Variants in ARMC8 observed in about 807,000 individuals in gnomAD.
The protein encoded by ARMC8 is armadillo repeat containing 8, also known as armadillo repeat-containing protein 8.
ARMC8 carries 20 observed loss-of-function variants against 99.3 expected under a neutral mutation model. That is an observed-to-expected ratio of 0.20 (90% CI 0.14 to 0.29). The LOEUF (loss-of-function observed/expected upper bound fraction) is 0.29. ARMC8 is among the 10% of genes least tolerant of loss of function. ARMC8 has a pLI of 1.00. For missense variants in ARMC8, 569 were observed against 809.5 expected, an observed-to-expected ratio of 0.70 and a Z score of 3.60; for synonymous variants, 263 against 278.3, an observed-to-expected ratio of 0.95 and a Z score of 0.55.
intron 2 of ARMC8, among the ~76,000 whole-genome samples, chr3:138,212,182 C>T (rs1014329853): frequency 6.6e-6 from 1 of 152,008 alleles, no homozygotes; most frequent in Non-Finnish European, 1.5e-5. Context: ...GCTTCCTTTT[C>T]TCCAGATAGA....
chr3:138,205,115 C>T (rs1292672918), intron 1 of ARMC8, among the ~76,000 whole-genome samples: 1 of 130,306 alleles, frequency 7.7e-6, no homozygotes, highest in Admixed American at 9.2e-5. Flanking sequence ...GTCACCCAGG[C>T]TGGAGTGCAG....
At chr3:138,262,527 G>C (rs1439024860) in intron 12 of ARMC8, 4 of 1,611,864 alleles carry the variant, frequency 2.5e-6, no homozygotes. Context: ...TCAGACTTCT[G>C]AATCCTCTCA....
intron 2 of ARMC8, among the ~76,000 whole-genome samples, chr3:138,217,797 G>T (rs997404770): frequency 1.3e-5 from 2 of 152,166 alleles, no homozygotes; most frequent in Admixed American, 1.3e-4. Context: ...ATAATTCAGT[G>T]TGTACAAAGT....
intron 12 of ARMC8, chr3:138,245,954 C>G (rs1036598833): frequency 9.3e-5 from 92 of 985,294 alleles, no homozygotes; most frequent in Non-Finnish European, 1.1e-4. Context: ...ACCACATGTT[C>G]TGTCTTGAGG....
intron 1 of ARMC8, among the ~76,000 whole-genome samples, chr3:138,209,300 A>C (rs1459325588): frequency 2.0e-5 from 3 of 152,232 alleles, no homozygotes; most frequent in Non-Finnish European, 1.5e-5. Flanking sequence ...GGCTCGCCAC[A>C]AAGGTCCCAC....
chr3:138,255,206 G>GT (rs1319216904), intron 12 of ARMC8, among the ~76,000 whole-genome samples: 10,114 of 114,946 alleles, frequency 0.088, 733 homozygotes, highest in African/African-American at 0.21. Context: ...TTTTTTTTTT[G>GT]TTTTTTTTTT....
chr3:138,212,341 C>G (rs954218126), intron 2 of ARMC8, among the ~76,000 whole-genome samples: 13 of 143,228 alleles, frequency 9.1e-5, no homozygotes, highest in African/African-American at 3.4e-4. Flanking sequence ...CGGAGTTTCA[C>G]TCTTTTTGCC....
At chr3:138,212,635 T>C (rs983339055) in intron 2 of ARMC8, among the ~76,000 whole-genome samples, 14 of 152,062 alleles carry the variant, frequency 9.2e-5, no homozygotes, top group African/African-American at 3.1e-4. Context: ...ACAATATGTA[T>C]AGAAAAAGGG....
intron 1 of ARMC8, among the ~76,000 whole-genome samples, chr3:138,199,139 A>G (rs2043909947): frequency 6.6e-6 from 1 of 152,124 alleles, no homozygotes; most frequent in South Asian, 2.1e-4. Flanking sequence ...GCTTTGATTA[A>G]TCTTGGGAGG....
chr3:138,290,119 G>A (rs1028175943), intron 20 of ARMC8, among the ~76,000 whole-genome samples: 3 of 152,192 alleles, frequency 2.0e-5, no homozygotes, highest in African/African-American at 4.8e-5. Context: ...TGGGAGGACA[G>A]AGGAGGGTAG....
chr3:138,228,901 G>C lies in ARMC8; in HGVS notation c.436-17G>C. 1 of 1,558,178 alleles carries C rather than the reference G, an allele frequency of 6.4e-7. No homozygotes were observed. The highest frequency in any genetic ancestry group is 1.1e-5 in the South Asian group (1 of 89,882). On this transcript the variant is annotated splice_polypyrimidine_tract_variant and intron_variant, in intron 5 of 21. Coordinates refer to ENST00000469044, the MANE Select transcript of ARMC8 (RefSeq NM_001363941.2). ...CATGGTGCCTGAGTTTCTTGTTGCT[G>C]TGTTCTCCTTCCCTAGGATGCCACA...
At chr3:138,274,233 ATG>A (rs142329302) in intron 17 of ARMC8, among the ~76,000 whole-genome samples, 9,040 of 141,810 alleles carry the variant, frequency 0.064, 389 homozygotes, top group African/African-American at 0.14. Context: ...GTGTATATAC[ATG>A]TGTGTGTGTG....
intron 1 of ARMC8, among the ~76,000 whole-genome samples, chr3:138,192,606 T>C (rs2043457609): frequency 6.6e-6 from 1 of 151,788 alleles, no homozygotes; most frequent in African/African-American, 2.4e-5. Flanking sequence ...GCTGGAGTGC[T>C]ATGGCGTGAT....
chr3:138,231,990 A>G (rs1287027536), intron 6 of ARMC8, among the ~76,000 whole-genome samples: 4 of 3,786 alleles, frequency 1.1e-3, no homozygotes, highest in Non-Finnish European at 1.8e-3. Context: ...TTTTTTTTTG[A>G]GATGGAGTCT....
chr3:138,193,670 T>C (rs535241465), intron 1 of ARMC8, among the ~76,000 whole-genome samples: 2 of 152,354 alleles, frequency 1.3e-5, no homozygotes, highest in East Asian at 3.9e-4. Flanking sequence ...AACCACAATT[T>C]AAGATGAACC....
chr3:138,295,792 A>G, intron 21 of ARMC8, 67 bp from the exon 22 acceptor site: 1 of 1,564,056 alleles, frequency 6.4e-7, no homozygotes, highest in Non-Finnish European at 8.8e-7. Flanking sequence ...ATCATCATTG[A>G]ACCATAGGGT....
chr3:138,290,718 A>C (rs2050856621), intron 21 of ARMC8, 79 bp downstream of exon 21: 7 of 896,918 alleles, frequency 7.8e-6, no homozygotes, highest in Non-Finnish European at 1.2e-5. Flanking sequence ...CTTGGTAATT[A>C]ATGGCCATAC....
intron 2 of ARMC8, among the ~76,000 whole-genome samples, chr3:138,216,248 CTAAAT>C (rs111755164): frequency 4.6e-5 from 7 of 152,134 alleles, no homozygotes; most frequent in African/African-American, 9.6e-5. Context: ...TAAGAATGAA[CTAAAT>C]TAAAGTCAAT....
At chr3:138,263,253 G>A (rs1206375144) in intron 12 of ARMC8, among the ~76,000 whole-genome samples, 2 of 152,244 alleles carry the variant, frequency 1.3e-5, no homozygotes, top group Non-Finnish European at 2.9e-5. Context: ...TATAGTGAAA[G>A]ATGGCAAGGG....
Sources: allele counts gnomAD v4.1 joint callset (sites outside exome capture counted in the v4.1 genomes callset), GRCh38; gene constraint gnomAD v4.1.1; transcripts MANE v1.5; gene names NCBI Gene and HGNC (gene_info 2026-07-23, HGNC 2026-07-21).